The following DPP9 variants were observed in gnomAD, a reference collection of about 807,000 sequenced individuals.
The protein encoded by DPP9 is dipeptidyl peptidase IV-related protein-2.
DPP9 carries 50 observed loss-of-function variants against 110.7 expected under a neutral mutation model. The observed-to-expected ratio is 0.45, with a 90% CI of 0.36 to 0.57. DPP9 has a LOEUF of 0.57. DPP9 is among the 20% of genes least tolerant of loss of function. DPP9 has a pLI of 0.00. For missense variants in DPP9, 1,022 were observed against 1,217.9 expected (o/e 0.84, Z 2.39); for synonymous variants, 561 against 514.4 (o/e 1.09, Z -1.23).
intron 11 of DPP9, 151 bp downstream of exon 11, chr19:4,697,400 A>G (rs1286467484): frequency 3.1e-6 from 2 of 635,516 alleles, no homozygotes; most frequent in African/African-American, 3.7e-5. Flanking sequence ...CCCTTTGGAC[A>G]CTGGTCTGAG....
chr19:4,695,209 C>G lies in DPP9; in HGVS notation c.1353+169G>C. On this transcript the variant is annotated intron_variant, in intron 12 of 21. Coordinates refer to ENST00000262960, the MANE Select transcript of DPP9 (RefSeq NM_139159.5). The surrounding 1 kb of genome is among the most constrained non-coding windows in gnomAD (Gnocchi z 4.7). ...CAATGGCTGCCAGACTCACCAACCC[C>G]CCTAGACCCTCTTCCCTGCCAGCCA... 1 of 696,950 alleles carries G rather than the reference C, an allele frequency of 1.4e-6. No individual in the cohort carries two copies. Among genetic ancestry groups the G allele is most frequent in the Non-Finnish European group, 2.3e-6 (1 of 430,788 alleles). 43.2% of individuals were successfully genotyped at this position (696,950 alleles called of 1,614,324 possible). A position where few individuals can be genotyped will look rare whatever the true frequency, so the allele number is the denominator to read the frequency against.
rs778055865 is a variant in DPP9, at chr19:4,685,718, C to T, written c.1939G>A (p.Asp647Asn). The change falls in exon 17 of 22, where the codon GAT (aspartate) becomes AAT (asparagine). Residue 647 changes from aspartate to asparagine, a missense_variant. Physicochemically the swap from Asp to Asn is conservative, Grantham distance 23. Transcript: ENST00000262960. The surrounding 1 kb of genome is among the most constrained non-coding windows in gnomAD (Gnocchi z 5.8). ...PEIFHFHTRS[D>N]VRLYGMIYKP... ...TAGATCATGCCGTAGAGCCGCACAT[C>T]CGAGCGCGTGTGGAAATGGAAGATC... The T allele has an allele frequency of 5.0e-6, 8 of 1,613,532 alleles. No individual in the cohort carries two copies. The highest frequency in any genetic ancestry group is 6.8e-6 in the Non-Finnish European group (8 of 1,179,836).
rs2091958199 is a variant in DPP9, at chr19:4,698,186, A to G, written c.1075-535T>C. Among the ~76,000 whole-genome samples, 1 of 152,194 alleles carries G rather than the reference A, an allele frequency of 6.6e-6. No homozygotes were observed. Among genetic ancestry groups the G allele is most frequent in the African/African-American group, 2.4e-5 (1 of 41,458 alleles). On this transcript the variant is annotated intron_variant, in intron 10 of 21. Coordinates refer to ENST00000262960, the MANE Select transcript of DPP9 (RefSeq NM_139159.5). This position sits in a 1 kb window ranked among gnomAD's most constrained non-coding sequence, Gnocchi z 4.2. Reference sequence around the variant, plus strand: ...TAGAGCCAGGTGGCTCTGGGCAAGCACAGTCCCCGGACCCAGGGCTTCCCC... The same window carrying G: ...TAGAGCCAGGTGGCTCTGGGCAAGCGCAGTCCCCGGACCCAGGGCTTCCCC...
Position 4,702,281 on chromosome 19 carries a change from G to T in DPP9, c.884-126C>A, listed in dbSNP as rs908228840. 1.1e-5 allele frequency: 14 copies of T among 1,292,686 alleles called. No homozygotes were observed. In the African/African-American group the frequency reaches 2.0e-4, roughly 18 times the overall value. 80.1% of individuals were successfully genotyped at this position (1,292,686 alleles called of 1,614,324 possible). A position where few individuals can be genotyped will look rare whatever the true frequency, so the allele number is the denominator to read the frequency against. ...CCGAGGGCTCTGAAACCAGAACCCC[G>T]GCTCTGCCATTCGCTAGACCTTATG... On this transcript the variant is annotated intron_variant, in intron 8 of 21. Transcript: ENST00000262960.
In DPP9 at chr19:4,694,631, A is replaced by AGTC; in HGVS notation, c.1516+27_1516+29dup. On this transcript the variant is annotated intron_variant, in intron 13 of 21. Coordinates refer to ENST00000262960, the MANE Select transcript of DPP9 (RefSeq NM_139159.5). The surrounding 1 kb of genome is among the most constrained non-coding windows in gnomAD (Gnocchi z 4.0). ...TGAACCACACGTGACTAACGCGATG[A>AGTC]GTCGACAGCATTCGTCAGGCTCTGC... 6.2e-7 allele frequency: 1 copy of AGTC among 1,600,482 alleles called. No homozygotes were observed. The highest frequency in any genetic ancestry group is 8.5e-7 in the Non-Finnish European group (1 of 1,172,904).
At position 4,694,400 on chromosome 19, in the gene DPP9, G is replaced by GTGGCCAACCCCTGGTT. The variant is rs1294007951; in HGVS notation, c.1516+245_1516+260dup. 1.9e-6 allele frequency: 1 copy of GTGGCCAACCCCTGGTT among 537,176 alleles called. No individual in the cohort carries two copies. Among genetic ancestry groups the GTGGCCAACCCCTGGTT allele is most frequent in the East Asian group, 3.0e-5 (1 of 33,234 alleles). 33.3% of individuals were successfully genotyped at this position (537,176 alleles called of 1,614,324 possible). A position where few individuals can be genotyped will look rare whatever the true frequency, so the allele number is the denominator to read the frequency against. On this transcript the variant is annotated intron_variant, in intron 13 of 21. Coordinates refer to ENST00000262960, the MANE Select transcript of DPP9 (RefSeq NM_139159.5). This position sits in a 1 kb window ranked among gnomAD's most constrained non-coding sequence, Gnocchi z 4.0. ...GCCGGATTTGACCTGTGGGCCGTAGGTGGCCAACCCCTGGTTGTGCTAAGG... is the reference window on the plus strand; with the variant it reads ...GCCGGATTTGACCTGTGGGCCGTAGGTGGCCAACCCCTGGTTTGGCCAACCCCTGGTTGTGCTAAGG...
At chr19:4,686,322 T>TA (rs1246194186) in intron 16 of DPP9, among the ~76,000 whole-genome samples, 1 of 149,600 alleles carries the variant, frequency 6.7e-6, no homozygotes, top group African/African-American at 2.4e-5. Context: ...AACTGTATTT[T>TA]TTTTTTTTTT....
At chr19:4,699,405 T>A (rs527861261) in intron 10 of DPP9, among the ~76,000 whole-genome samples, 1 of 152,016 alleles carries the variant, frequency 6.6e-6, no homozygotes, top group African/African-American at 2.4e-5. Flanking sequence ...GTTACTTAAC[T>A]TCCTGACACC....
At chr19:4,714,788 G>C (rs552851699) in intron 3 of DPP9, among the ~76,000 whole-genome samples, 2 of 151,776 alleles carry the variant, frequency 1.3e-5, no homozygotes, top group African/African-American at 4.8e-5. Context: ...CACAGTCCCC[G>C]GGATAACAAC....
rs2091662088 is a variant in DPP9, at chr19:4,694,952, C to A, written c.1354-129G>T. ...TGCTTGAGCCCAGGAATTTCAGAGA[C>A]CAGCCTGGACAACATAGTAAGACCC... On this transcript the variant is annotated intron_variant, in intron 12 of 21. Coordinates refer to ENST00000262960, the MANE Select transcript of DPP9 (RefSeq NM_139159.5). The surrounding 1 kb of genome is among the most constrained non-coding windows in gnomAD (Gnocchi z 4.0). 2.4e-6 allele frequency: 2 copies of A among 828,586 alleles called. No individual in the cohort carries two copies. The highest frequency in any genetic ancestry group is 5.3e-5 in the East Asian group (2 of 37,742). 51.3% of individuals were successfully genotyped at this position (828,586 alleles called of 1,614,324 possible). A position where few individuals can be genotyped will look rare whatever the true frequency, so the allele number is the denominator to read the frequency against.
At position 4,710,216 on chromosome 19, in the gene DPP9, C is replaced by T. The variant is rs576762025; in HGVS notation, c.313+3865G>A. ...TTCCCGTCACTGCACGCTGTGGCCT[C>T]GAGTGGCTGGCCTGGTGGGGGATCG... is the stretch of plus-strand genomic sequence containing the variant. On this transcript the variant is annotated intron_variant, in intron 4 of 21. Transcript: ENST00000262960. This position sits in a 1 kb window ranked among gnomAD's most constrained non-coding sequence, Gnocchi z 5.6. 7.2e-5 allele frequency among the ~76,000 whole-genome samples: 11 copies of T among 152,290 alleles called. No homozygotes were observed. The East Asian group carries it at 1.5e-3, about 21-fold the overall frequency.
In DPP9 at chr19:4,702,016, C is replaced by T. The variant is rs773990034; in HGVS notation, c.1012+11G>A. ...CCCCGGCCCAGCCCCTCACATGTAC[C>T]GGGCACTCACCTGTCCTGGGGTACC... On this transcript the variant is annotated intron_variant, in intron 9 of 21. Transcript: ENST00000262960. 23 of 1,611,630 alleles carry T rather than the reference C, an allele frequency of 1.4e-5. No individual in the cohort carries two copies. Among genetic ancestry groups the T allele is most frequent in the South Asian group, 3.3e-5 (3 of 90,776 alleles).
intron 2 of DPP9, among the ~76,000 whole-genome samples, chr19:4,721,067 CCCCA>C (rs937221962): frequency 6.6e-6 from 1 of 152,196 alleles, no homozygotes. Flanking sequence ...TAACCGGCCC[CCCCA>C]GGGGACATTT....
chr19:4,679,991 G>C, intron 20 of DPP9, 45 bp from the exon 21 acceptor site: 1 of 1,402,494 alleles, frequency 7.1e-7, no homozygotes, highest in Non-Finnish European at 1.0e-6. Flanking sequence ...GATTGTCCGT[G>C]GGGTAGGAGG....
chr19:4,702,227 C>A, intron 8 of DPP9, 72 bp from the exon 9 acceptor site: 1 of 1,520,044 alleles, frequency 6.6e-7, no homozygotes, highest in Middle Eastern at 1.8e-4. Context: ...CCCCCCGCCC[C>A]CTGCAGCACC....
At position 4,698,806 on chromosome 19, in the gene DPP9, A is replaced by G. The variant is rs73543617; in HGVS notation, c.1075-1155T>C. Among the ~76,000 whole-genome samples the G allele has an allele frequency of 3.8e-3, 584 of 152,278 alleles. 6 individuals carry two copies. The highest frequency in any genetic ancestry group is 0.013 in the African/African-American group (552 of 41,554). On this transcript the variant is annotated intron_variant, in intron 10 of 21. Coordinates refer to ENST00000262960, the MANE Select transcript of DPP9 (RefSeq NM_139159.5). The surrounding 1 kb of genome is among the most constrained non-coding windows in gnomAD (Gnocchi z 4.2). Reference sequence around the variant, plus strand: ...CAGCCTGGAAGGAGGTTTCACGTGCATCACTGGCAAAGCCACTCAGACTGA... The same window carrying G: ...CAGCCTGGAAGGAGGTTTCACGTGCGTCACTGGCAAAGCCACTCAGACTGA...
chr19:4,705,094 A>T (rs2092513063), intron 5 of DPP9, among the ~76,000 whole-genome samples: 1 of 152,230 alleles, frequency 6.6e-6, no homozygotes, highest in African/African-American at 2.4e-5. Flanking sequence ...GAGACAGGCC[A>T]AAGTGAGGGC....
In DPP9 at chr19:4,685,976, C is replaced by T. The variant is rs531105448; in HGVS notation, c.1886-205G>A. 16 of 549,594 alleles carry T rather than the reference C, an allele frequency of 2.9e-5. No homozygotes were observed. In the South Asian group the frequency reaches 3.6e-4, roughly 12 times the overall value. 34.0% of individuals were successfully genotyped at this position (549,594 alleles called of 1,614,324 possible). A position where few individuals can be genotyped will look rare whatever the true frequency, so the allele number is the denominator to read the frequency against. On this transcript the variant is annotated intron_variant, in intron 16 of 21. Coordinates refer to ENST00000262960, the MANE Select transcript of DPP9 (RefSeq NM_139159.5). The surrounding 1 kb of genome is among the most constrained non-coding windows in gnomAD (Gnocchi z 5.8). The stretch of plus-strand genomic sequence containing the variant: ...TTTTTGTAGAGATGGGGTCTTGTCT[C>T]CCTGTTGCCCAGGCTGGTCTCGACT...
At chr19:4,683,050 G>A (rs2090139740) in intron 19 of DPP9, 3 of 1,507,200 alleles carry the variant, frequency 2.0e-6, no homozygotes, top group Non-Finnish European at 2.7e-6. Flanking sequence ...AGGCGGGCAG[G>A]TGCGGCCCCT....
Sources: allele counts gnomAD v4.1 joint callset (sites outside exome capture counted in the v4.1 genomes callset), GRCh38; gene constraint gnomAD v4.1.1; non-coding constraint Gnocchi (gnomAD v3.1); transcripts MANE v1.5; gene names NCBI Gene and HGNC (gene_info 2026-07-23, HGNC 2026-07-21).